The following RB1CC1 variants were observed in gnomAD, a reference collection of about 807,000 sequenced individuals.
The protein encoded by RB1CC1 is RB1 inducible coiled-coil 1.
Under a neutral mutation model 177.5 loss-of-function variants are expected in RB1CC1, and 46 were observed. The observed-to-expected ratio is 0.26, with a 90% CI of 0.20 to 0.33. The LOEUF is 0.33. RB1CC1 is among the 10% of genes least tolerant of loss of function. The probability of loss-of-function intolerance (pLI) is 1.00; values close to 1 mark genes in which losing one functional copy is unlikely to be tolerated. For missense variants in RB1CC1, 1,703 were observed against 1,816.3 expected (o/e 0.94, Z 1.13); for synonymous variants, 666 against 613.6 (o/e 1.09, Z -1.26).
At chr8:52,690,286 A>G (rs903105690) in intron 1 of RB1CC1, among the ~76,000 whole-genome samples, 1 of 152,220 alleles carries the variant, frequency 6.6e-6, no homozygotes, top group Non-Finnish European at 1.5e-5. Context: ...TGCTGACTAA[A>G]GTGGAAGGAA....
At chr8:52,704,500 T>G (rs1856387866) in intron 1 of RB1CC1, among the ~76,000 whole-genome samples, 1 of 149,602 alleles carries the variant, frequency 6.7e-6, no homozygotes, top group African/African-American at 2.5e-5. Context: ...AAAATCAAGT[T>G]CCAACTAGAA....
intron 18 of RB1CC1, among the ~76,000 whole-genome samples, chr8:52,640,186 C>G (rs147662132): frequency 6.6e-6 from 1 of 152,170 alleles, no homozygotes; most frequent in East Asian, 1.9e-4. Flanking sequence ...GACTAATATG[C>G]AGAATCTTAA....
chr8:52,652,543 T>C (rs1032042851), intron 15 of RB1CC1, among the ~76,000 whole-genome samples: 29 of 152,114 alleles, frequency 1.9e-4, no homozygotes, highest in Middle Eastern at 3.4e-3. Context: ...TTTCTTGCCA[T>C]TAATTTTTAG....
intron 2 of RB1CC1, 24 bp from the exon 3 acceptor site, chr8:52,685,544 C>A: frequency 1.1e-6 from 1 of 873,464 alleles, no homozygotes; most frequent in South Asian, 1.5e-5. Context: ...GAGAAGTGAT[C>A]AATTTTACAA....
chr8:52,643,515 A>C (rs2150415136), intron 16 of RB1CC1, among the ~76,000 whole-genome samples: 1 of 151,970 alleles, frequency 6.6e-6, no homozygotes, highest in East Asian at 1.9e-4. Flanking sequence ...AGCCTGAGCA[A>C]CACAAGATCG....
intron 16 of RB1CC1, 103 bp downstream of exon 16, chr8:52,645,599 C>A: frequency 8.5e-7 from 1 of 1,178,358 alleles, no homozygotes; most frequent in Non-Finnish European, 1.2e-6. Context: ...AGGAACATCA[C>A]ATCTAAGATA....
Position 52,706,422 on chromosome 8 carries a change from C to T in RB1CC1, c.-167+7653G>A, listed in dbSNP as rs561237789. Reference sequence around the variant, plus strand: ...CACCTAGGGGCTGGGTGCAGTGGTGCGATCTCCGCTCACTGCAGCCTTCAG... The same window carrying T: ...CACCTAGGGGCTGGGTGCAGTGGTGTGATCTCCGCTCACTGCAGCCTTCAG... On this transcript the variant is annotated intron_variant, in intron 1 of 23. Transcript: ENST00000025008. Among the ~76,000 whole-genome samples, 342 of 149,790 alleles carry T rather than the reference C, an allele frequency of 2.3e-3. 1 individual carries two copies. The highest frequency in any genetic ancestry group is 4.3e-3 in the Non-Finnish European group (294 of 67,650).
At chr8:52,652,337 G>A (rs1439987029) in intron 15 of RB1CC1, among the ~76,000 whole-genome samples, 2 of 151,522 alleles carry the variant, frequency 1.3e-5, no homozygotes, top group Non-Finnish European at 1.5e-5. Context: ...GTGGTGTCAC[G>A]CACCTGTAGT....
At chr8:52,713,697 G>A (rs1305520110) in intron 1 of RB1CC1, among the ~76,000 whole-genome samples, 4 of 152,216 alleles carry the variant, frequency 2.6e-5, no homozygotes, top group African/African-American at 7.2e-5. Flanking sequence ...AGGTTCGGAC[G>A]TCCCTCGCCC....
chr8:52,697,235 G>A (rs917173501), intron 1 of RB1CC1, among the ~76,000 whole-genome samples: 1 of 145,644 alleles, frequency 6.9e-6, no homozygotes, highest in African/African-American at 2.6e-5. Context: ...TGATGAATCA[G>A]TTAAATTCAG....
chr8:52,633,357 A>G (rs987755659), intron 20 of RB1CC1, among the ~76,000 whole-genome samples: 13 of 152,320 alleles, frequency 8.5e-5, no homozygotes, highest in East Asian at 7.7e-4. Flanking sequence ...TGTAGCGGTG[A>G]CCAAAACTGA....
chr8:52,660,068 A>G (rs1056647981), intron 12 of RB1CC1, among the ~76,000 whole-genome samples: 3 of 152,224 alleles, frequency 2.0e-5, no homozygotes, highest in African/African-American at 7.2e-5. Context: ...TTGATCATGG[A>G]AACGTTTCTT....
At chr8:52,642,127 G>A (rs1364878560) in intron 18 of RB1CC1, among the ~76,000 whole-genome samples, 3 of 152,028 alleles carry the variant, frequency 2.0e-5, no homozygotes, top group Non-Finnish European at 2.9e-5. Flanking sequence ...TTGGCAGTAT[G>A]GGATAATTCT....
intron 15 of RB1CC1, among the ~76,000 whole-genome samples, chr8:52,653,341 C>T (rs910440896): frequency 6.6e-6 from 1 of 152,112 alleles, no homozygotes; most frequent in African/African-American, 2.4e-5. Context: ...TGGCACTTCA[C>T]CACCAGAAAC....
chr8:52,661,728 A>G lies in RB1CC1; in HGVS notation c.1174-9T>C. On this transcript the variant is annotated splice_polypyrimidine_tract_variant and intron_variant, in intron 8 of 23. Coordinates refer to ENST00000025008, the MANE Select transcript of RB1CC1 (RefSeq NM_014781.5). ...TGATTAGCTAAAAATCCCTTTGAGAAAAAAAATGTTTCAAAGGACATTAAT... is the reference window on the plus strand; with the variant it reads ...TGATTAGCTAAAAATCCCTTTGAGAGAAAAAATGTTTCAAAGGACATTAAT... The G allele has an allele frequency of 6.5e-7, 1 of 1,535,208 alleles. No individual in the cohort carries two copies.
At chr8:52,709,664 C>G (rs970145802) in intron 1 of RB1CC1, among the ~76,000 whole-genome samples, 1 of 152,172 alleles carries the variant, frequency 6.6e-6, no homozygotes, top group Non-Finnish European at 1.5e-5. Flanking sequence ...TCTGAGCCCA[C>G]GAGGCAGTGG....
In RB1CC1 at chr8:52,684,373, A is replaced by C. The variant is rs184059015; in HGVS notation, c.72-360T>G. The stretch of plus-strand genomic sequence containing the variant: ...CAAAAAATCATTCATGTAAGTGTAA[A>C]ATCAAGTTTAATGAAAACTAATTCT... On this transcript the variant is annotated intron_variant, in intron 3 of 23. Coordinates refer to ENST00000025008, the MANE Select transcript of RB1CC1 (RefSeq NM_014781.5). 4.3e-3 allele frequency among the ~76,000 whole-genome samples: 662 copies of C among 152,312 alleles called. 3 individuals are homozygous for C. Among genetic ancestry groups the C allele is most frequent in the South Asian group, 0.024 (117 of 4,824 alleles).
chr8:52,658,584 A>G (rs1407970221), intron 13 of RB1CC1, among the ~76,000 whole-genome samples: 1 of 150,676 alleles, frequency 6.6e-6, no homozygotes, highest in African/African-American at 2.4e-5. Flanking sequence ...CTCAAGAAAA[A>G]AAAAAAAAAA....
chr8:52,677,891 G>C (rs1314138230), intron 5 of RB1CC1, among the ~76,000 whole-genome samples: 2 of 152,150 alleles, frequency 1.3e-5, no homozygotes, highest in African/African-American at 4.8e-5. Flanking sequence ...ACGAGTAAAA[G>C]AGCTGTTGGG....
Sources: allele counts gnomAD v4.1 joint callset (sites outside exome capture counted in the v4.1 genomes callset), GRCh38; gene constraint gnomAD v4.1.1; transcripts MANE v1.5; gene names NCBI Gene and HGNC (gene_info 2026-07-23, HGNC 2026-07-21).